The following IRAK1BP1 variants were observed in gnomAD, a reference collection of about 807,000 sequenced individuals.
The protein encoded by IRAK1BP1 is interleukin-1 receptor-associated kinase 1-binding protein 1.
IRAK1BP1 carries 24 observed loss-of-function variants against 28.0 expected under a neutral mutation model. That is an observed-to-expected ratio of 0.86 (90% CI 0.62 to 1.20). The LOEUF is 1.20. Among genes scored for constraint, IRAK1BP1 ranks in the 50% most tolerant of loss-of-function variants. The pLI is 0.00. For synonymous variants in IRAK1BP1, 131 were observed against 116.3 expected, an observed-to-expected ratio of 1.13 and a Z score of -0.81; for missense variants, 336 against 316.7, an observed-to-expected ratio of 1.06 and a Z score of -0.46.
intron 4 of IRAK1BP1, chr6:78,940,044 GA>G (rs1367016605): frequency 7.3e-6 from 1 of 137,874 alleles, no homozygotes; most frequent in Non-Finnish European, 1.6e-5. Context: ...TTCCAATGTG[GA>G]TATGTTTCCC....
intron 2 of IRAK1BP1, among the ~76,000 whole-genome samples, chr6:78,891,425 T>TATGTTATTTTC (rs1280475535): frequency 6.6e-6 from 1 of 152,202 alleles, no homozygotes; most frequent in Non-Finnish European, 1.5e-5. Flanking sequence ...TTCCACTTTT[T>TATGTTATTTTC]ATGTTATTTT....
At chr6:78,932,920 C>A (rs1054074186) in intron 4 of IRAK1BP1, among the ~76,000 whole-genome samples, 2 of 151,438 alleles carry the variant, frequency 1.3e-5, no homozygotes, top group African/African-American at 4.9e-5. Flanking sequence ...TATTTTTTTT[C>A]TGGAAAGCAG....
chr6:78,929,314 GATAA>G (rs901614450), intron 4 of IRAK1BP1, among the ~76,000 whole-genome samples: 8 of 152,238 alleles, frequency 5.3e-5, no homozygotes, highest in African/African-American at 1.7e-4. Flanking sequence ...AGGTGGGTTG[GATAA>G]ATAAAATGTG....
chr6:78,935,815 T>A, intron 4 of IRAK1BP1: 1 of 896,522 alleles, frequency 1.1e-6, no homozygotes, highest in Middle Eastern at 5.7e-4. Context: ...GTGCTTTATG[T>A]GATGCCAAAA....
the IRAK1BP1 span, among the ~76,000 whole-genome samples, chr6:78,961,285 C>T: frequency 3.3e-4 from 50 of 151,600 alleles, no homozygotes; most frequent in African/African-American, 1.1e-3. Flanking sequence ...ATACATAATA[C>T]GAATACAAAA....
At chr6:78,950,799 A>G (rs761276176), downstream of IRAK1BP1, among the ~76,000 whole-genome samples, 9 of 150,410 alleles carry the variant, frequency 6.0e-5, no homozygotes, top group Admixed American at 3.3e-4. Flanking sequence ...CCCAGCTTTC[A>G]ATTTCATAGA....
chr6:78,868,595 C>T (rs539771447), intron 1 of IRAK1BP1, among the ~76,000 whole-genome samples: 1 of 152,294 alleles, frequency 6.6e-6, no homozygotes, highest in South Asian at 2.1e-4. Flanking sequence ...CTTAAGCCTA[C>T]TCCTAAGGCA....
chr6:78,946,183 C>T, exon 5 of IRAK1BP1: 2 of 1,613,722 alleles, frequency 1.2e-6, no homozygotes, highest in Non-Finnish European at 1.7e-6. Flanking sequence ...CGGTATTGAT[C>T]GTGTAGGTGT....
chr6:78,891,291 C>T (rs1481282466), intron 2 of IRAK1BP1, among the ~76,000 whole-genome samples: 3 of 152,082 alleles, frequency 2.0e-5, no homozygotes, highest in Non-Finnish European at 4.4e-5. Flanking sequence ...AGTACAAACA[C>T]TGACTGTTGA....
chr6:78,955,678 G>T, the IRAK1BP1 span: 2 of 1,022,032 alleles, frequency 2.0e-6, no homozygotes, highest in Non-Finnish European at 1.5e-6. Context: ...TAACAAGTCT[G>T]ATCCCTACAT....
chr6:78,943,351 A>G (rs1773606050), intron 4 of IRAK1BP1, among the ~76,000 whole-genome samples: 1 of 152,130 alleles, frequency 6.6e-6, no homozygotes, highest in East Asian at 1.9e-4. Context: ...TAAAAATCAA[A>G]CAGGTTATGA....
chr6:78,940,548 G>GTTTGTTTTT (rs1773439272), intron 4 of IRAK1BP1: 3 of 82,672 alleles, frequency 3.6e-5, no homozygotes, highest in Admixed American at 2.2e-4. Context: ...TCGTAAGTTT[G>GTTTGTTTTT]TTTTTTTTTT....
At chr6:78,917,178 C>T (rs1297331452) in intron 4 of IRAK1BP1, among the ~76,000 whole-genome samples, 2 of 151,910 alleles carry the variant, frequency 1.3e-5, no homozygotes, top group Non-Finnish European at 2.9e-5. Flanking sequence ...AAAGAATCTT[C>T]TAAAGCAATT....
rs113244031 is a variant in IRAK1BP1, at chr6:78,874,095, C to G, written c.315+6204C>G. On this transcript the variant is annotated intron_variant, in intron 1 of 3. Transcript: ENST00000369940. Reference sequence around the variant, plus strand: ...ATGGCTGCAACATTCCCAAGCCTTACATCTTATACCATAGCTTAAAAAGAA... The same window carrying G: ...ATGGCTGCAACATTCCCAAGCCTTAGATCTTATACCATAGCTTAAAAAGAA... Among the ~76,000 whole-genome samples the G allele has an allele frequency of 8.6e-3, 1,312 of 152,296 alleles. 8 individuals carry two copies. Among genetic ancestry groups the G allele is most frequent in the Non-Finnish European group, 0.012 (850 of 68,018 alleles).
At chr6:78,965,800 A>C in the IRAK1BP1 span, 3 of 1,272,182 alleles carry the variant, frequency 2.4e-6, no homozygotes, top group African/African-American at 1.5e-5. Context: ...TAAAAAATCT[A>C]AATTATTGTA....
downstream of IRAK1BP1, among the ~76,000 whole-genome samples, chr6:78,906,183 A>T (rs1373316935): frequency 6.6e-6 from 1 of 152,156 alleles, no homozygotes; most frequent in Non-Finnish European, 1.5e-5. Context: ...GATTTTATAT[A>T]TGCTGGAATA....
chr6:78,965,878 T>C, the IRAK1BP1 span: 1 of 1,270,358 alleles, frequency 7.9e-7, no homozygotes, highest in Non-Finnish European at 1.1e-6. Flanking sequence ...TCTTTATCTC[T>C]TAATAGATGG....
the IRAK1BP1 span, chr6:78,970,717 A>G: frequency 1.9e-6 from 2 of 1,049,264 alleles, no homozygotes; most frequent in Non-Finnish European, 2.9e-6. Flanking sequence ...AACCTTTGAT[A>G]CAATTTTCTC....
At chr6:78,914,833 T>C (rs1459982933) in intron 4 of IRAK1BP1, among the ~76,000 whole-genome samples, 2 of 152,178 alleles carry the variant, frequency 1.3e-5, no homozygotes. Context: ...TTTGTTTTTG[T>C]TTTTTGAGAT....
Sources: allele counts gnomAD v4.1 joint callset (sites outside exome capture counted in the v4.1 genomes callset), GRCh38; gene constraint gnomAD v4.1.1; transcripts MANE v1.5; gene names NCBI Gene and HGNC (gene_info 2026-07-23, HGNC 2026-07-21).